KISS1: variants seen among roughly 807,000 people sequenced by gnomAD.
KISS1 encodes the protein metastasis-suppressor KiSS-1.
For missense variants in KISS1, 182 were observed against 182.7 expected, an observed-to-expected ratio of 1.00 and a Z score of 0.02; for synonymous variants, 97 against 88.7, an observed-to-expected ratio of 1.09 and a Z score of -0.52.
chr1:204,195,006 G>A (rs1304157146), intron 1 of KISS1, among the ~76,000 whole-genome samples: 1 of 151,886 alleles, frequency 6.6e-6, no homozygotes, highest in Non-Finnish European at 1.5e-5. Context: ...CAGGAAGGAG[G>A]GCAGTGGGCT....
At position 204,190,630 on chromosome 1, in the gene KISS1, T is replaced by A. The variant is rs746519264; in HGVS notation, c.271A>T (p.Ser91Cys). ...CCCTGGGGTGCGGGGATCTGGCGGC[T>A]GTGGGGGGCGGACAGGCCCGGCTGC... ...PQQPGLSAPH[S>C]RQIPAPQGAV... Residue 91 changes from serine to cysteine, a missense_variant, in exon 3 of 3, where the codon AGC becomes TGC. Transcript: ENST00000367194. The A allele has an allele frequency of 6.3e-7, 1 of 1,584,944 alleles. No individual in the cohort carries two copies. Among genetic ancestry groups the A allele is most frequent in the South Asian group, 1.1e-5 (1 of 87,538 alleles).
chr1:204,190,861 T>TG, intron 2 of KISS1, 64 bp from the exon 3 acceptor site: 1 of 1,341,800 alleles, frequency 7.5e-7, no homozygotes, highest in African/African-American at 1.4e-5. Flanking sequence ...CAACACCTCC[T>TG]GTCATCCCAT....
At chr1:204,195,465 AC>A (rs1291093672) in intron 1 of KISS1, among the ~76,000 whole-genome samples, 1 of 149,550 alleles carries the variant, frequency 6.7e-6, no homozygotes, top group Admixed American at 6.7e-5. Flanking sequence ...ATACACACAC[AC>A]ATACACACAT....
Position 204,190,517 on chromosome 1 carries a change from T to C in KISS1, c.384A>G (p.Pro128=), listed in dbSNP as rs1046479095. 2.1e-5 allele frequency: 34 copies of C among 1,595,446 alleles called. No individual in the cohort carries two copies. Among genetic ancestry groups the C allele is most frequent in the Non-Finnish European group, 2.6e-5 (30 of 1,171,904 alleles). Residue 128 remains proline, a synonymous_variant, in exon 3 of 3, where the codon CCA becomes CCG. Coordinates refer to ENST00000367194, the MANE Select transcript of KISS1 (RefSeq NM_002256.4). ...GLRFGKREAA[P]GNHGRSAGRG The stretch of plus-strand genomic sequence containing the variant: ...GCCCAGCGCTTCTGCCGTGGTTCCC[T>C]GGTGCCGCCTCCCGCTTGCCGAAGC...
intron 1 of KISS1, among the ~76,000 whole-genome samples, chr1:204,194,558 C>T (rs1658801336): frequency 6.6e-6 from 1 of 152,150 alleles, no homozygotes; most frequent in South Asian, 2.1e-4. Context: ...AGAGTTGCTG[C>T]CCCCAAGATC....
intron 1 of KISS1, among the ~76,000 whole-genome samples, chr1:204,195,332 C>T (rs56081501): frequency 7.1e-6 from 1 of 140,840 alleles, no homozygotes; most frequent in Non-Finnish European, 1.5e-5. Flanking sequence ...GCCACACACA[C>T]CACACACGCA....
intron 2 of KISS1, among the ~76,000 whole-genome samples, chr1:204,191,914 G>C (rs1321935345): frequency 6.6e-6 from 1 of 152,202 alleles, no homozygotes; most frequent in Non-Finnish European, 1.5e-5. Context: ...GGGCAGTGTG[G>C]GGTTATTTTC....
chr1:204,190,454 T>G lies in KISS1; in HGVS notation c.*30A>C. The G allele has an allele frequency of 8.9e-7, 1 of 1,121,190 alleles. No homozygotes were observed. Among genetic ancestry groups the G allele is most frequent in the Non-Finnish European group, 1.3e-6 (1 of 796,700 alleles). The allele number at this position is 1,121,190 out of a possible 1,614,324, so 69.5% of individuals were successfully genotyped here. The stretch of plus-strand genomic sequence containing the variant: ...CCCGCATGCTCTGACTCCTTTGGGG[T>G]CTGAAGTTCACTGCCCCGCACCTGC... On this transcript the variant is annotated 3_prime_UTR_variant, in exon 3 of 3. Transcript: ENST00000367194.
At position 204,195,224 on chromosome 1, in the gene KISS1, T is replaced by TACACACACATCATACACACATACACCAC; in HGVS notation, c.-39+1151_-39+1152insGTGGTGTATGTGTGTATGATGTGTGTGT. 6.4e-4 allele frequency among the ~76,000 whole-genome samples: 6 copies of TACACACACATCATACACACATACACCAC among 9,372 alleles called. 3 individuals carry two copies. The highest frequency in any genetic ancestry group is 1.2e-3 in the Non-Finnish European group (6 of 4,818). 6.1% of individuals were successfully genotyped at this position (9,372 alleles called of 152,430 possible). Reference sequence around the variant, plus strand: ...ACACACATATATACGCACACACCCATACACATATACACGCATACACCCATA... The same window carrying TACACACACATCATACACACATACACCAC: ...ACACACATATATACGCACACACCCATACACACACATCATACACACATACACCACACACATATACACGCATACACCCATA... On this transcript the variant is annotated intron_variant, in intron 1 of 2. Transcript: ENST00000367194.
chr1:204,191,815 C>A (rs1658748308), intron 2 of KISS1, among the ~76,000 whole-genome samples: 1 of 152,332 alleles, frequency 6.6e-6, no homozygotes, highest in South Asian at 2.1e-4. Flanking sequence ...GTTGCGCACG[C>A]TAGACCAGTA....
chr1:204,194,270 T>G (rs956091336), intron 1 of KISS1, among the ~76,000 whole-genome samples: 48 of 152,274 alleles, frequency 3.2e-4, no homozygotes, highest in African/African-American at 1.1e-3. Flanking sequence ...GAACCCTGGA[T>G]CAGATTGGCC....
In KISS1 at chr1:204,190,612, G is replaced by T; in HGVS notation, c.289C>A (p.Pro97Thr). The stretch of plus-strand genomic sequence containing the variant: ...CGCTGCACCAGCACCGCGCCCTGGG[G>T]TGCGGGGATCTGGCGGCTGTGGGGG... The part of the protein sequence containing the change: ...SAPHSRQIPA[P>T]QGAVLVQREK... Residue 97 changes from proline to threonine, a missense_variant, in exon 3 of 3, where the codon CCC becomes ACC. Coordinates refer to ENST00000367194, the MANE Select transcript of KISS1 (RefSeq NM_002256.4). 1 of 1,590,530 alleles carries T rather than the reference G, an allele frequency of 6.3e-7. No homozygotes were observed.
At chr1:204,193,526 T>C (rs1388537833) in intron 1 of KISS1, among the ~76,000 whole-genome samples, 3 of 152,212 alleles carry the variant, frequency 2.0e-5, no homozygotes, top group Admixed American at 6.5e-5. Context: ...TTTCTTTTTC[T>C]TTTATAAGGA....
rs4889 is a variant in KISS1 at position 204,190,659 on chromosome 1, G to C, written c.242C>G (p.Pro81Arg). 416,980 of 1,584,008 alleles carry C rather than the reference G, an allele frequency of 0.26. 56,748 individuals are homozygous for C. Among genetic ancestry groups the C allele is most frequent in the East Asian group, 0.44 (19,292 of 43,540 alleles). Residue 81 changes from proline to arginine, a missense_variant, in exon 3 of 3, where the codon CCC (proline) becomes CGC (arginine). Physicochemically the swap from Pro to Arg is moderately radical, Grantham distance 103. Transcript: ENST00000367194. Reference sequence around the variant, plus strand: ...GGGGGCGGACAGGCCCGGCTGCTGGGGGCTCCCGGAGCTCTCGGGGGGCGG... The same window carrying C: ...GGGGGCGGACAGGCCCGGCTGCTGGCGGCTCCCGGAGCTCTCGGGGGGCGG... ...LSPPPESSGS[P>R]QQPGLSAPHS...
At position 204,192,251 on chromosome 1, in the gene KISS1, A is replaced by G. The variant is rs1471930791; in HGVS notation, c.103+523T>C. 6.6e-6 allele frequency among the ~76,000 whole-genome samples: 1 copy of G among 152,088 alleles called. No individual in the cohort carries two copies. Among genetic ancestry groups the G allele is most frequent in the Non-Finnish European group, 1.5e-5 (1 of 67,998 alleles). ...GAGCTCTGACACCTGCTGGGTTTCC[A>G]CAGTGTTTGAGCGACTCTGGGGAAA... is the stretch of plus-strand genomic sequence containing the variant. On this transcript the variant is annotated intron_variant, in intron 2 of 2. Transcript: ENST00000367194. The surrounding 1 kb of genome is among the most constrained non-coding windows in gnomAD (Gnocchi z 4.2).
chr1:204,192,569 C>T lies in KISS1; in HGVS notation c.103+205G>A, dbSNP rs182061344. On this transcript the variant is annotated intron_variant, in intron 2 of 2. Coordinates refer to ENST00000367194, the MANE Select transcript of KISS1 (RefSeq NM_002256.4). The surrounding 1 kb of genome is among the most constrained non-coding windows in gnomAD (Gnocchi z 4.2). ...TAATAAGCCCTGGAACCTAGGTGGGCGGACTGAGGCCATCACAGAGGCAAG... is the reference window on the plus strand; with the variant it reads ...TAATAAGCCCTGGAACCTAGGTGGGTGGACTGAGGCCATCACAGAGGCAAG... Among the ~76,000 whole-genome samples, 6 of 152,214 alleles carry T rather than the reference C, an allele frequency of 3.9e-5. No homozygotes were observed. The highest frequency in any genetic ancestry group is 5.9e-5 in the Non-Finnish European group (4 of 68,004).
chr1:204,190,813 C>T lies in KISS1; in HGVS notation c.104-16G>A, dbSNP rs190421507. The T allele has an allele frequency of 2.5e-6, 4 of 1,605,474 alleles. No homozygotes were observed. The highest frequency in any genetic ancestry group is 4.5e-5 in the East Asian group (2 of 44,734). ...AGCTGCTGGCCTAGGACAGAGGGCA[C>T]AGAAAGATGAGGCCGGGGTCCGGGA... On this transcript the variant is annotated splice_polypyrimidine_tract_variant and intron_variant, in intron 2 of 2. Transcript: ENST00000367194.
chr1:204,195,998 T>C (rs1363915625), intron 1 of KISS1, among the ~76,000 whole-genome samples: 2 of 152,116 alleles, frequency 1.3e-5, no homozygotes, highest in Admixed American at 1.3e-4. Flanking sequence ...CATCTGTAAT[T>C]TGGGGGGAGC....
chr1:204,190,407 C>CGGGGGGG lies in KISS1; in HGVS notation c.*76_*77insCCCCCCC. 5.1e-6 allele frequency: 4 copies of CGGGGGGG among 779,256 alleles called. No individual in the cohort carries two copies. The highest frequency in any genetic ancestry group is 2.5e-5 in the African/African-American group (1 of 39,966). 48.3% of individuals were successfully genotyped at this position (779,256 alleles called of 1,614,324 possible). ...TCCAGCGCCCCCTCCCTTAGCCCTA[C>CGGGGGGG]GTCCCCGCCCCCCGCCCCCGCCCCG... On this transcript the variant is annotated 3_prime_UTR_variant, in exon 3 of 3. Transcript: ENST00000367194.
Sources: gnomAD v4.1 joint callset for allele counts (sites outside exome capture counted in the v4.1 genomes callset) on GRCh38, gnomAD v4.1.1 for gene constraint, Gnocchi (gnomAD v3.1) non-coding constraint, MANE v1.5 for transcripts, NCBI Gene and HGNC (gene_info 2026-07-23, HGNC 2026-07-21) for gene names.